Variants in SAR1A observed in about 807,000 individuals in gnomAD.
SAR1A encodes small COPII coat GTPase SAR1A.
In SAR1A, 6 loss-of-function variants were observed where a neutral mutation model predicts 22.6. The ratio of observed to expected loss-of-function variants is 0.27; its 90% CI spans 0.15 to 0.52. The LOEUF (loss-of-function observed/expected upper bound fraction) is 0.52, where lower values mean the gene tolerates loss of function less well. Ranked by LOEUF, SAR1A falls within the 20% of genes least tolerant of loss-of-function variation. The pLI is 0.96. For missense variants in SAR1A, 145 were observed against 245.1 expected (o/e 0.59, Z 2.73); for synonymous variants, 70 against 82.2 (o/e 0.85, Z 0.80).
At position 70,157,778 on chromosome 10, in the gene SAR1A, T is replaced by C. The variant is rs769319077; in HGVS notation, c.334A>G (p.Lys112Glu). ...ACAAAACATACATTAAGCTCAACTT[T>C]GGATTCCACGAGGCGAGAATGATCT... ...CADHSRLVESKVELNALMTDE... is the reference protein window; with the variant it reads ...CADHSRLVESEVELNALMTDE... The change falls in exon 5 of 7, where the codon AAA becomes GAA. Residue 112 changes from lysine to glutamate, a missense_variant. By Grantham distance (56) the Lys-to-Glu change is moderately conservative (BLOSUM62 1). This residue lies in a region of SAR1A where 83 missense variants were observed against 114.7 expected (regional missense o/e 0.72). Transcript: ENST00000373241. The C allele has an allele frequency of 6.2e-7, 1 of 1,612,144 alleles. No individual in the cohort carries two copies. Among genetic ancestry groups the C allele is most frequent in the Non-Finnish European group, 8.5e-7 (1 of 1,178,254 alleles).
rs1317128837 is a variant in SAR1A at position 70,152,601 on chromosome 10, G to A, written c.481-9C>T. On this transcript the variant is annotated splice_polypyrimidine_tract_variant and intron_variant, in intron 6 of 6. Transcript: ENST00000373241. Reference sequence around the variant, plus strand: ...TTCAGGGTCACATTCCCCTAAAGGAGGCAAAACCAAGAAAGGCCTGTTAGC... The same window carrying A: ...TTCAGGGTCACATTCCCCTAAAGGAAGCAAAACCAAGAAAGGCCTGTTAGC... The A allele has an allele frequency of 6.9e-6, 11 of 1,587,492 alleles. No individual in the cohort carries two copies. The highest frequency in any genetic ancestry group is 2.7e-5 in the African/African-American group (2 of 74,330).
At chr10:70,163,988 T>C (rs1375271403) in intron 1 of SAR1A, 2 of 1,151,730 alleles carry the variant, frequency 1.7e-6, no homozygotes, top group African/African-American at 1.5e-5. Context: ...GCTATATTAG[T>C]GGTGTAGAAC....
At position 70,160,330 on chromosome 10, in the gene SAR1A, G is replaced by C. The variant is rs527496274; in HGVS notation, c.244+674C>G. The stretch of plus-strand genomic sequence containing the variant: ...AAAGTATTAAAGAGTAAAGGGGCAT[G>C]ATATGCTCACCAACACTTCATTAAA... On this transcript the variant is annotated intron_variant, in intron 4 of 6. Coordinates refer to ENST00000373241, the MANE Select transcript of SAR1A (RefSeq NM_020150.5). Among the ~76,000 whole-genome samples the C allele has an allele frequency of 4.6e-5, 7 of 152,182 alleles. No individual in the cohort carries two copies. In the East Asian group the frequency reaches 1.3e-3, roughly 29 times the overall value.
chr10:70,158,718 A>T (rs1303593254), intron 4 of SAR1A, among the ~76,000 whole-genome samples: 1 of 145,118 alleles, frequency 6.9e-6, no homozygotes, highest in Non-Finnish European at 1.5e-5. Flanking sequence ...GTTACATCGA[A>T]CTTGCTCTCC....
intron 4 of SAR1A, among the ~76,000 whole-genome samples, chr10:70,158,588 T>C (rs529844804): frequency 2.6e-5 from 4 of 152,314 alleles, no homozygotes; most frequent in African/African-American, 9.6e-5. Flanking sequence ...GCCCTTGCAA[T>C]AGAATGAATA....
chr10:70,159,485 G>A (rs1839437028), intron 4 of SAR1A, among the ~76,000 whole-genome samples: 1 of 152,248 alleles, frequency 6.6e-6, no homozygotes, highest in South Asian at 2.1e-4. Flanking sequence ...CCTGAGCTCA[G>A]GAGTTGAAGA....
Position 70,152,430 on chromosome 10 carries a change from G to T in SAR1A, c.*46C>A, listed in dbSNP as rs753785428. The T allele has an allele frequency of 1.1e-4, 152 of 1,375,132 alleles. No individual in the cohort carries two copies. The highest frequency in any genetic ancestry group is 1.5e-4 in the Non-Finnish European group (142 of 962,740). The allele number at this position is 1,375,132 out of a possible 1,614,324, so 85.2% of individuals were successfully genotyped here. A position where few individuals can be genotyped will look rare whatever the true frequency, so the allele number is the denominator to read the frequency against. Reference sequence around the variant, plus strand: ...AAGTTCATGAGGAAGCTGTGAATAGGATCAGTCCAGAGAAGTAAAACTCTT... The same window carrying T: ...AAGTTCATGAGGAAGCTGTGAATAGTATCAGTCCAGAGAAGTAAAACTCTT... On this transcript the variant is annotated 3_prime_UTR_variant, in exon 7 of 7. Transcript: ENST00000373241.
intron 5 of SAR1A, among the ~76,000 whole-genome samples, chr10:70,156,664 T>G (rs942094715): frequency 4.2e-5 from 4 of 94,442 alleles, no homozygotes; most frequent in Non-Finnish European, 7.2e-5. Context: ...CAGAGGAAGA[T>G]TCTGTTTAAA....
Position 70,153,956 on chromosome 10 carries a change from T to A in SAR1A, c.362A>T (p.Asp121Val). ...GATTGGCACATTGGATATTGTTTCA[T>A]CAGTCATTAAAGCCTAAAGATTGAA... ...SKVELNALMTDETISNVPILI... is the reference protein window; with the variant it reads ...SKVELNALMTVETISNVPILI... The change falls in exon 6 of 7, where the codon GAT becomes GTT. Residue 121 changes from aspartate (D) to valine (V), a missense_variant. By Grantham distance (152) the Asp-to-Val change is radical. Transcript: ENST00000373241. The A allele has an allele frequency of 6.3e-7, 1 of 1,586,202 alleles. No homozygotes were observed. The highest frequency in any genetic ancestry group is 8.6e-7 in the Non-Finnish European group (1 of 1,168,868).
chr10:70,157,713 C>T (rs770227142), intron 5 of SAR1A, 51 bp downstream of exon 5: 15 of 1,410,876 alleles, frequency 1.1e-5, no homozygotes, highest in Non-Finnish European at 1.5e-5. Context: ...AAATAGAGGC[C>T]AAAAAAGAAC....
intron 4 of SAR1A, 71 bp downstream of exon 4, chr10:70,160,933 C>T: frequency 1.0e-6 from 1 of 970,202 alleles, no homozygotes; most frequent in Non-Finnish European, 1.5e-6. Flanking sequence ...TGACACACTG[C>T]TTTTAAAAGG....
chr10:70,159,755 T>G (rs921569219), intron 4 of SAR1A, among the ~76,000 whole-genome samples: 3 of 152,236 alleles, frequency 2.0e-5, no homozygotes, highest in African/African-American at 7.2e-5. Context: ...TTCCCTACTT[T>G]CCCAGAATAT....
chr10:70,170,136 G>A (rs1016726932), intron 1 of SAR1A, among the ~76,000 whole-genome samples: 2 of 152,124 alleles, frequency 1.3e-5, no homozygotes, highest in Admixed American at 6.5e-5. Context: ...CGGAGCGCAC[G>A]GTACAGACAA....
chr10:70,153,718 G>T, intron 6 of SAR1A, 120 bp downstream of exon 6: 2 of 795,178 alleles, frequency 2.5e-6, no homozygotes, highest in Non-Finnish European at 3.7e-6. Context: ...AATACTCACA[G>T]TAAAACTAAT....
At chr10:70,153,106 G>C (rs1016139227) in intron 6 of SAR1A, among the ~76,000 whole-genome samples, 1 of 152,170 alleles carries the variant, frequency 6.6e-6, no homozygotes, top group Admixed American at 6.5e-5. Context: ...GAAGAGGTGA[G>C]ACTAAGGAAC....
intron 4 of SAR1A, among the ~76,000 whole-genome samples, chr10:70,159,603 C>T (rs960414115): frequency 4.6e-5 from 7 of 152,062 alleles, no homozygotes; most frequent in African/African-American, 1.7e-4. Flanking sequence ...TGCCACTGCA[C>T]TCCAGCCTGG....
In SAR1A at chr10:70,147,551, A is replaced by T. The variant is rs1564566820; in HGVS notation, c.*4925T>A. 6.6e-6 allele frequency: 1 copy of T among 152,228 alleles called. No individual in the cohort carries two copies. The highest frequency in any genetic ancestry group is 6.5e-5 in the Admixed American group (1 of 15,284). 9.4% of individuals were successfully genotyped at this position (152,228 alleles called of 1,614,324 possible). A position where few individuals can be genotyped will look rare whatever the true frequency, so the allele number is the denominator to read the frequency against. On this transcript the variant is annotated 3_prime_UTR_variant, in exon 7 of 7. Coordinates refer to ENST00000373241, the MANE Select transcript of SAR1A (RefSeq NM_020150.5). ...GACATTGAAATTTTAATTTCATACA[A>T]TTTTTTGTGTCCAAAAATAGCATTC...
chr10:70,152,134 T>C lies in SAR1A; in HGVS notation c.*342A>G. On this transcript the variant is annotated 3_prime_UTR_variant, in exon 7 of 7. Coordinates refer to ENST00000373241, the MANE Select transcript of SAR1A (RefSeq NM_020150.5). ...CCAATTACATTAACAACGCTTTCTT[T>C]AAAAAATAGAATCACTTTCTTTTGA... The C allele has an allele frequency of 3.5e-6, 1 of 286,792 alleles. No homozygotes were observed. The highest frequency in any genetic ancestry group is 3.7e-5 in the South Asian group (1 of 26,738). 17.8% of individuals were successfully genotyped at this position (286,792 alleles called of 1,614,324 possible). A position where few individuals can be genotyped will look rare whatever the true frequency, so the allele number is the denominator to read the frequency against.
chr10:70,154,961 A>C, intron 5 of SAR1A: 1 of 401,996 alleles, frequency 2.5e-6, no homozygotes, highest in South Asian at 1.9e-5. Context: ...AAGGAGAAGT[A>C]AGAACATAAA....
Sources: gnomAD v4.1 joint callset for allele counts (sites outside exome capture counted in the v4.1 genomes callset) on GRCh38, gnomAD v4.1.1 for gene constraint, gnomAD v4.1.1 regional missense constraint, MANE v1.5 for transcripts, NCBI Gene and HGNC (gene_info 2026-07-23, HGNC 2026-07-21) for gene names.